The following RUVBL1 variants were observed in gnomAD, a reference collection of about 807,000 sequenced individuals.
RUVBL1 encodes the protein RuvB like AAA ATPase 1, also known as ruvB-like 1.
Under a neutral mutation model 52.4 loss-of-function variants are expected in RUVBL1, and 4 were observed. The ratio of observed to expected loss-of-function variants is 0.08; its 90% confidence interval spans 0.04 to 0.17. The LOEUF is 0.17. Among genes scored for constraint, RUVBL1 ranks in the 10% least tolerant of loss-of-function variants. The pLI is 1.00. For synonymous variants in RUVBL1, 217 were observed against 214.4 expected (o/e 1.01, Z -0.10); for missense variants, 298 against 572.8 (o/e 0.52, Z 4.90).
intron 9 of RUVBL1, chr3:128,085,078 C>G (rs978785888): frequency 1.3e-5 from 2 of 152,262 alleles, no homozygotes; most frequent in Non-Finnish European, 2.9e-5. Context: ...GAGCCTCCAA[C>G]ACTGGCTATT....
chr3:128,125,625 C>T (rs1943775877), upstream of RUVBL1, among the ~76,000 whole-genome samples: 1 of 152,184 alleles, frequency 6.6e-6, no homozygotes, highest in Admixed American at 6.5e-5. Context: ...GTATTTTACA[C>T]GTTGGCTTTT....
In RUVBL1 at chr3:128,067,870, T is replaced by G; in HGVS notation, c.940-2650A>C. ...CTTGCGGCAGTTTTAAAGTTCTCTG[T>G]ATGAATATTGTCAGTGCTCGAAGAG... is the stretch of plus-strand genomic sequence containing the variant. On this transcript the variant is annotated intron_variant, in intron 9 of 9. Coordinates refer to the RUVBL1 transcript ENST00000464873. This position sits in a 1 kb window ranked among gnomAD's most constrained non-coding sequence, Gnocchi z 4.1. The G allele has an allele frequency of 2.3e-6, 2 of 856,318 alleles. No homozygotes were observed. The highest frequency in any genetic ancestry group is 3.9e-6 in the Non-Finnish European group (2 of 513,500). The allele number at this position is 856,318 out of a possible 1,614,324, so 53.0% of individuals were successfully genotyped here.
rs115576421 is a variant in RUVBL1, at chr3:128,144,213, G to A, written c.-40+8990C>T. Among the ~76,000 whole-genome samples the A allele has an allele frequency of 4.2e-3, 639 of 152,216 alleles. 6 individuals carry two copies. Among genetic ancestry groups the A allele is most frequent in the African/African-American group, 0.014 (583 of 41,536 alleles). On this transcript the variant is annotated intron_variant, in intron 1 of 9. Coordinates refer to the RUVBL1 transcript ENST00000464873. ...GCGAGGTAGATACCCTCAGAGAAAA[G>A]GGAAATTTCCATTTCACTCCTGAAA...
intron 1 of RUVBL1, among the ~76,000 whole-genome samples, chr3:128,143,703 A>C (rs868794924): frequency 1.2e-4 from 18 of 152,286 alleles, no homozygotes; most frequent in Middle Eastern, 3.4e-3. Context: ...GGCTGTGACT[A>C]GGCCAACTTG....
upstream of RUVBL1, among the ~76,000 whole-genome samples, chr3:128,124,688 A>T (rs1943755132): frequency 2.0e-5 from 3 of 152,318 alleles, no homozygotes; most frequent in South Asian, 4.1e-4. Context: ...TGATGCGTTT[A>T]CTTCTTGCTT....
chr3:128,125,790 C>T (rs1943780215), upstream of RUVBL1, among the ~76,000 whole-genome samples: 1 of 152,184 alleles, frequency 6.6e-6, no homozygotes, highest in African/African-American at 2.4e-5. Context: ...TGCTTAGCCC[C>T]TCATTGACTT....
intron 3 of RUVBL1, among the ~76,000 whole-genome samples, chr3:128,111,625 A>G (rs1333556729): frequency 6.6e-6 from 1 of 151,954 alleles, no homozygotes; most frequent in Non-Finnish European, 1.5e-5. Flanking sequence ...TCCACTCCCA[A>G]CCCAGCCGGA....
chr3:128,134,985 G>T (rs2107730879), intron 1 of RUVBL1, among the ~76,000 whole-genome samples: 1 of 152,218 alleles, frequency 6.6e-6, no homozygotes, highest in Non-Finnish European at 1.5e-5. Context: ...ATAATAAACA[G>T]AACTTTCCAA....
intron 9 of RUVBL1, among the ~76,000 whole-genome samples, chr3:128,072,025 C>T (rs887444917): frequency 2.0e-5 from 3 of 152,222 alleles, no homozygotes; most frequent in Non-Finnish European, 4.4e-5. Context: ...CCCCATAACT[C>T]GAAGCCCTTT....
At chr3:128,108,618 C>T (rs527393565) in intron 3 of RUVBL1, among the ~76,000 whole-genome samples, 1 of 152,038 alleles carries the variant, frequency 6.6e-6, no homozygotes, top group African/African-American at 2.4e-5. Context: ...TAGATCATTT[C>T]AGCCCAGGAA....
At chr3:128,127,258 G>A (rs1181328825), upstream of RUVBL1, among the ~76,000 whole-genome samples, 1 of 152,154 alleles carries the variant, frequency 6.6e-6, no homozygotes, top group Non-Finnish European at 1.5e-5. Context: ...TAAGATGTTT[G>A]AGTTAGATTT....
intron 9 of RUVBL1, 69 bp downstream of exon 9, chr3:128,087,637 C>G: frequency 7.8e-7 from 1 of 1,285,440 alleles, no homozygotes; most frequent in Non-Finnish European, 1.1e-6. Flanking sequence ...AGATACCTTT[C>G]TGCACAGCCA....
At chr3:128,105,398 T>A (rs1302230642) in intron 3 of RUVBL1, among the ~76,000 whole-genome samples, 4 of 151,982 alleles carry the variant, frequency 2.6e-5, no homozygotes, top group African/African-American at 9.7e-5. Flanking sequence ...GGGTTATAGG[T>A]GTGAGCCACC....
chr3:128,104,811 T>C lies in RUVBL1; in HGVS notation c.475A>G (p.Ile159Val), dbSNP rs1943184824. Reference sequence around the variant, plus strand: ...GTTCCTTTGGCTGTTTTGAGTCCTATGATCACATGGCTAATGGTTTTGCCA... The same window carrying C: ...GTTCCTTTGGCTGTTTTGAGTCCTACGATCACATGGCTAATGGTTTTGCCA... ...GYGKTISHVIIGLKTAKGTKQ... is the reference protein window; with the variant it reads ...GYGKTISHVIVGLKTAKGTKQ... Residue 159 changes from isoleucine to valine, a missense_variant, in exon 4 of 11, where the codon ATA (isoleucine) becomes GTA (valine). Physicochemically the swap from Ile to Val is conservative, Grantham distance 29. Around this residue, in one of 5 missense-constraint regions of RUVBL1, gnomAD observed 58 missense variants for 83.2 expected, o/e 0.70. Coordinates refer to ENST00000322623, the MANE Select transcript of RUVBL1 (RefSeq NM_003707.3). The C allele has an allele frequency of 1.2e-6, 2 of 1,613,036 alleles. No homozygotes were observed. Among genetic ancestry groups the C allele is most frequent in the Non-Finnish European group, 1.7e-6 (2 of 1,179,056 alleles).
chr3:128,114,647 C>T (rs1374637858), intron 2 of RUVBL1, among the ~76,000 whole-genome samples: 1 of 152,212 alleles, frequency 6.6e-6, no homozygotes, highest in Non-Finnish European at 1.5e-5. Context: ...GTGCACCCAG[C>T]CACTTCCCTC....
intron 9 of RUVBL1, chr3:128,066,520 T>G (rs1204439734): frequency 5.8e-6 from 1 of 173,604 alleles, no homozygotes; most frequent in African/African-American, 2.4e-5. Flanking sequence ...CCTCCCAGGC[T>G]CAAGTGATTG....
At chr3:128,107,146 C>T (rs1943260540) in intron 3 of RUVBL1, among the ~76,000 whole-genome samples, 1 of 152,230 alleles carries the variant, frequency 6.6e-6, no homozygotes, top group African/African-American at 2.4e-5. Context: ...CTCTAAATCT[C>T]CGCTGGAGCC....
At chr3:128,132,130 C>T (rs1463414156) in intron 1 of RUVBL1, among the ~76,000 whole-genome samples, 1 of 152,178 alleles carries the variant, frequency 6.6e-6, no homozygotes, top group East Asian at 1.9e-4. Context: ...TCAGTGCTGC[C>T]CTGTCACAGC....
chr3:128,140,134 G>A (rs1943997577), intron 1 of RUVBL1, among the ~76,000 whole-genome samples: 1 of 150,342 alleles, frequency 6.7e-6, no homozygotes, highest in African/African-American at 2.5e-5. Flanking sequence ...AATATCTCAT[G>A]TACTCCTTAA....
Sources: allele counts gnomAD v4.1 joint callset (sites outside exome capture counted in the v4.1 genomes callset), GRCh38; gene constraint gnomAD v4.1.1; regional missense constraint gnomAD v4.1.1; non-coding constraint Gnocchi (gnomAD v3.1); transcripts MANE v1.5; gene names NCBI Gene and HGNC (gene_info 2026-07-23, HGNC 2026-07-21).